Variants in FAM120B observed in about 807,000 individuals in gnomAD.
FAM120B encodes the protein family with sequence similarity 120 member B.
A neutral mutation model predicts 96.3 loss-of-function variants in FAM120B; 83 were observed. The observed-to-expected ratio is 0.86, with a 90% CI of 0.72 to 1.03. The LOEUF is 1.03. FAM120B is among the 50% of genes least tolerant of loss of function. The pLI is 0.00. For missense variants in FAM120B, 1,027 were observed against 1,121.2 expected (o/e 0.92, Z 1.20); for synonymous variants, 407 against 402.7 (o/e 1.01, Z -0.13).
Position 170,406,982 on chromosome 6 carries a change from A to G in FAM120B, c.*2231A>G, listed in dbSNP as rs539226596. 1 of 152,352 alleles carries G rather than the reference A, an allele frequency of 6.6e-6. No individual in the cohort carries two copies. The highest frequency in any genetic ancestry group is 6.5e-5 in the Admixed American group (1 of 15,298). 9.4% of individuals were successfully genotyped at this position (152,352 alleles called of 1,614,324 possible). A position where few individuals can be genotyped will look rare whatever the true frequency, so the allele number is the denominator to read the frequency against. On this transcript the variant is annotated 3_prime_UTR_variant, in exon 11 of 11. Transcript: ENST00000476287. ...TGAATTTTTTGTCATTCTAAGTTGTAAGTAACACTGCAGTCAAGTCTTCTG... is the reference window on the plus strand; with the variant it reads ...TGAATTTTTTGTCATTCTAAGTTGTGAGTAACACTGCAGTCAAGTCTTCTG...
At chr6:170,335,509 G>T (rs1160395719) in intron 4 of FAM120B, among the ~76,000 whole-genome samples, 1 of 152,128 alleles carries the variant, frequency 6.6e-6, no homozygotes, top group African/African-American at 2.4e-5. Flanking sequence ...TAGTACTGCA[G>T]TAAACATACG....
Position 170,358,264 on chromosome 6 carries a change from T to A in FAM120B, c.2229T>A (p.Ile743=). 6.2e-7 allele frequency: 1 copy of A among 1,606,858 alleles called. No individual in the cohort carries two copies. The change falls in exon 6 of 11, where the codon ATT becomes ATA. Residue 743 remains isoleucine (I), a synonymous_variant. Transcript: ENST00000476287. ...GCCTGGAGGATTTGCATGCGTTTAT[T>A]GCGCAGGCCTTGTGCCTCCAAGGAA... ...TLCLEDLHAF[I]AQALCLQGKS...
intron 2 of FAM120B, among the ~76,000 whole-genome samples, chr6:170,322,081 G>C (rs1489457306): frequency 6.6e-6 from 1 of 152,064 alleles, no homozygotes; most frequent in Non-Finnish European, 1.5e-5. Context: ...GGCTATGATA[G>C]CCCTTCTGAT....
intron 6 of FAM120B, 93 bp downstream of exon 6, chr6:170,358,411 G>A: frequency 1.1e-6 from 1 of 913,800 alleles, no homozygotes; most frequent in Middle Eastern, 2.2e-4. Flanking sequence ...TCACAGAAAA[G>A]ATCAGGAAGG....
chr6:170,357,391 G>T (rs896967907), intron 5 of FAM120B, among the ~76,000 whole-genome samples: 1 of 152,062 alleles, frequency 6.6e-6, no homozygotes, highest in Non-Finnish European at 1.5e-5. Flanking sequence ...CGCTCTTCAC[G>T]CCCTCTCCTT....
rs556733240 is a variant in FAM120B at position 170,406,195 on chromosome 6, G to C, written c.*1444G>C. 1 of 152,178 alleles carries C rather than the reference G, an allele frequency of 6.6e-6. No homozygotes were observed. Among genetic ancestry groups the C allele is most frequent in the African/African-American group, 2.4e-5 (1 of 41,440 alleles). 9.4% of individuals were successfully genotyped at this position (152,178 alleles called of 1,614,324 possible). On this transcript the variant is annotated 3_prime_UTR_variant, in exon 11 of 11. Transcript: ENST00000476287. ...GAAGGCAAGCCCTCTGTGGGCAGCC[G>C]TCTTCCAGAAACCTCGAACTTATGT...
intron 3 of FAM120B, among the ~76,000 whole-genome samples, chr6:170,327,174 G>C (rs1319138256): frequency 6.6e-6 from 1 of 152,026 alleles, no homozygotes; most frequent in East Asian, 1.9e-4. Context: ...AGCCTCCCAA[G>C]TACCTGGGAC....
chr6:170,361,752 A>G (rs138191454), intron 6 of FAM120B, among the ~76,000 whole-genome samples: 2 of 152,332 alleles, frequency 1.3e-5, no homozygotes, highest in African/African-American at 4.8e-5. Context: ...GTGATCATAC[A>G]TACACATACG....
chr6:170,369,583 T>G (rs1348857807), intron 6 of FAM120B, among the ~76,000 whole-genome samples: 2 of 152,100 alleles, frequency 1.3e-5, no homozygotes, highest in East Asian at 3.9e-4. Flanking sequence ...TGATAAAGGT[T>G]CCAGGTGTTG....
chr6:170,297,571 C>A (rs1432235088), intron 1 of FAM120B, among the ~76,000 whole-genome samples: 1 of 152,112 alleles, frequency 6.6e-6, no homozygotes, highest in African/African-American at 2.4e-5. Flanking sequence ...GCCCACCCCG[C>A]CCCTCCCCCC....
intron 2 of FAM120B, among the ~76,000 whole-genome samples, chr6:170,320,069 C>T (rs567506555): frequency 1.3e-4 from 20 of 152,344 alleles, no homozygotes; most frequent in Admixed American, 1.0e-3. Context: ...CCTTGTTTTA[C>T]AGAAGAGGTC....
intron 9 of FAM120B, among the ~76,000 whole-genome samples, chr6:170,402,150 G>T (rs1278816675): frequency 6.6e-6 from 1 of 152,232 alleles, no homozygotes; most frequent in African/African-American, 2.4e-5. Flanking sequence ...GCAGACGAAG[G>T]CCCCTGTTTG....
rs763283458 is a variant in FAM120B at position 170,323,138 on chromosome 6, T to C, written c.1794T>C (p.Ser598=). Residue 598 remains serine (S), a synonymous_variant, in exon 3 of 11, where the codon AGT becomes AGC. Coordinates refer to ENST00000476287, the MANE Select transcript of FAM120B (RefSeq NM_032448.3). ...ACCTGGTGTACAACATCATGAGCAG[T>C]GGAGAGATTGAATGCAGCAACACCC... The part of the protein sequence containing the change: ...ESYLVYNIMS[S]GEIECSNTLE... 1.2e-6 allele frequency: 2 copies of C among 1,614,022 alleles called. No individual in the cohort carries two copies. The highest frequency in any genetic ancestry group is 3.3e-5 in the Admixed American group (2 of 60,002).
At chr6:170,358,403 A>G (rs1341134194) in intron 6 of FAM120B, 85 bp downstream of exon 6, 1 of 994,028 alleles carries the variant, frequency 1.0e-6, no homozygotes, top group Non-Finnish European at 1.5e-6. Flanking sequence ...TTGAAGTTTC[A>G]CAGAAAAGAT....
chr6:170,400,375 G>A (rs1408390762), intron 9 of FAM120B, among the ~76,000 whole-genome samples: 1 of 152,142 alleles, frequency 6.6e-6, no homozygotes, highest in African/African-American at 2.4e-5. Flanking sequence ...GAAGGCAGGT[G>A]GAGTGGGACC....
Position 170,333,309 on chromosome 6 carries a change from A to G in FAM120B, c.2017+2759A>G, listed in dbSNP as rs114424785. On this transcript the variant is annotated intron_variant, in intron 4 of 10. Transcript: ENST00000476287. ...CCCCTTCTTCCGTGTGAAGGTGCCA[A>G]TGTGCCATCTGTGAACCAGGAAGCG... is the stretch of plus-strand genomic sequence containing the variant. 1.5e-3 allele frequency among the ~76,000 whole-genome samples: 233 copies of G among 152,194 alleles called. 1 individual carries two copies. The highest frequency in any genetic ancestry group is 5.1e-3 in the African/African-American group (211 of 41,540).
intron 4 of FAM120B, among the ~76,000 whole-genome samples, chr6:170,344,338 A>C (rs1447065573): frequency 7.7e-6 from 1 of 130,104 alleles, no homozygotes; most frequent in Non-Finnish European, 1.6e-5. Context: ...CCCACCTTGG[A>C]AGAACGGATG....
At chr6:170,382,817 G>T (rs940957870) in intron 6 of FAM120B, among the ~76,000 whole-genome samples, 5 of 152,148 alleles carry the variant, frequency 3.3e-5, no homozygotes, top group African/African-American at 1.2e-4. Context: ...GTATGGAAGG[G>T]CAGTGAAACT....
intron 5 of FAM120B, among the ~76,000 whole-genome samples, chr6:170,356,904 T>G (rs1583256774): frequency 6.6e-6 from 1 of 152,252 alleles, no homozygotes; most frequent in South Asian, 2.1e-4. Context: ...TATTCCAAAG[T>G]AATACCTACT....
Sources: allele counts gnomAD v4.1 joint callset (sites outside exome capture counted in the v4.1 genomes callset), GRCh38; gene constraint gnomAD v4.1.1; transcripts MANE v1.5; gene names NCBI Gene and HGNC (gene_info 2026-07-23, HGNC 2026-07-21).